PACS1: variants seen among roughly 807,000 people sequenced by gnomAD.
The protein encoded by PACS1 is PACS-1.
A neutral mutation model predicts 115.0 loss-of-function variants in PACS1; 24 were observed. That is an observed-to-expected ratio of 0.21 (90% confidence interval 0.15 to 0.29). PACS1 has a LOEUF of 0.29. Ranked by LOEUF, PACS1 falls within the 10% of genes least tolerant of loss-of-function variation. The pLI is 1.00. For missense variants in PACS1, 838 were observed against 1,251.2 expected, an observed-to-expected ratio of 0.67 and a Z score of 4.98; for synonymous variants, 453 against 504.5, an observed-to-expected ratio of 0.90 and a Z score of 1.37.
intron 1 of PACS1, among the ~76,000 whole-genome samples, chr11:66,093,920 A>G: frequency 6.6e-6 from 1 of 152,204 alleles, no homozygotes; most frequent in Non-Finnish European, 1.5e-5. Flanking sequence ...CTACATGGAA[A>G]CTGAACAACC....
Position 66,234,226 on chromosome 11 carries a change from G to A in PACS1, c.2088G>A (p.Ser696=), listed in dbSNP as rs546886162. The A allele has an allele frequency of 1.1e-5, 17 of 1,613,068 alleles. No individual in the cohort carries two copies. The highest frequency in any genetic ancestry group is 2.2e-5 in the East Asian group (1 of 44,894). ...GTTGGAGAGATCTGTTCAGTCGCTC[G>A]GAGCCACCAGTGTCAGGTAATGGCC... is the stretch of plus-strand genomic sequence containing the variant. The part of the protein sequence containing the change: ...DSGWRDLFSR[S]EPPVSEQLDV... Residue 696 remains serine, a synonymous_variant, in exon 17 of 24, where the codon TCG becomes TCA. Transcript: ENST00000320580.
At position 66,070,688 on chromosome 11, in the gene PACS1, T is replaced by G; in HGVS notation, c.202T>G (p.Ser68Ala). The G allele has an allele frequency of 6.3e-7, 1 of 1,578,848 alleles. No individual in the cohort carries two copies. The highest frequency in any genetic ancestry group is 8.5e-7 in the Non-Finnish European group (1 of 1,170,122). ...CACCTCGGCGGCGGCTGCCTCCTCC[T>G]CGTCCTCGTCTACCTCCACCTCCAT... ...SSTSAAAASS[S>A]SSSTSTSMAV... Residue 68 changes from serine (S) to alanine (A), a missense_variant, in exon 1 of 24, where the codon TCG (serine) becomes GCG (alanine). This residue lies in a region of PACS1 where 129 missense variants were observed against 109.4 expected (regional missense o/e 1.18). Coordinates refer to ENST00000320580, the MANE Select transcript of PACS1 (RefSeq NM_018026.4). The surrounding 1 kb of genome is among the most constrained non-coding windows in gnomAD (Gnocchi z 5.9).
chr11:66,121,722 G>A (rs1373155918), intron 1 of PACS1, among the ~76,000 whole-genome samples: 1 of 152,216 alleles, frequency 6.6e-6, no homozygotes, highest in African/African-American at 2.4e-5. Context: ...TTAAGCCTAA[G>A]CTTGATTCAG....
Position 66,070,638 on chromosome 11 carries a change from C to G in PACS1, c.152C>G (p.Ala51Gly). 1 of 1,555,508 alleles carries G rather than the reference C, an allele frequency of 6.4e-7. No individual in the cohort carries two copies. The highest frequency in any genetic ancestry group is 8.6e-7 in the Non-Finnish European group (1 of 1,157,348). Residue 51 changes from alanine (A) to glycine (G), a missense_variant, in exon 1 of 24, where the codon GCC (alanine) becomes GGC (glycine). Transcript: ENST00000320580. This position sits in a 1 kb window ranked among gnomAD's most constrained non-coding sequence, Gnocchi z 5.9. ...PPQQPTPPKL[A>G]QATSSSSSTS... ...CAGCAGCCGACGCCCCCCAAGCTGGCCCAGGCCACCTCGTCGTCCTCGTCC... is the reference window on the plus strand; with the variant it reads ...CAGCAGCCGACGCCCCCCAAGCTGGGCCAGGCCACCTCGTCGTCCTCGTCC...
intron 2 of PACS1, 22 bp downstream of exon 2, chr11:66,193,595 G>C (rs776724303): frequency 3.2e-6 from 5 of 1,562,830 alleles, no homozygotes; most frequent in Non-Finnish European, 2.6e-6. Context: ...AGGACTGTTT[G>C]TTCAGGGCCC....
chr11:66,079,905 T>A (rs1857454639), intron 1 of PACS1, among the ~76,000 whole-genome samples: 2 of 152,346 alleles, frequency 1.3e-5, no homozygotes, highest in South Asian at 4.1e-4. Flanking sequence ...GCTTTTGCAC[T>A]TGCTGTTCCC....
chr11:66,163,687 AT>A (rs1193323314), intron 1 of PACS1, among the ~76,000 whole-genome samples: 4 of 152,176 alleles, frequency 2.6e-5, no homozygotes, highest in African/African-American at 9.6e-5. Flanking sequence ...AGATAATGGT[AT>A]TTTCTGTCTG....
In PACS1 at chr11:66,239,289, G is replaced by GC. The variant is rs781246589; in HGVS notation, c.2429+15dup. 6.2e-7 allele frequency: 1 copy of GC among 1,604,964 alleles called. No individual in the cohort carries two copies. Among genetic ancestry groups the GC allele is most frequent in the Non-Finnish European group, 8.5e-7 (1 of 1,175,948 alleles). ...CTGGCCATCGTGGGGTAAGGCTCCT[G>GC]CCCGTACCTGTCCTGCCATGCCCTC... On this transcript the variant is annotated intron_variant, in intron 21 of 23. Coordinates refer to ENST00000320580, the MANE Select transcript of PACS1 (RefSeq NM_018026.4).
intron 1 of PACS1, among the ~76,000 whole-genome samples, chr11:66,171,943 C>T (rs768031520): frequency 6.6e-6 from 1 of 152,172 alleles, no homozygotes; most frequent in Non-Finnish European, 1.5e-5. Flanking sequence ...TCTTAGTTTA[C>T]TCTCAAGCTT....
intron 1 of PACS1, among the ~76,000 whole-genome samples, chr11:66,075,538 G>T (rs1157925308): frequency 6.6e-6 from 1 of 152,130 alleles, no homozygotes; most frequent in Non-Finnish European, 1.5e-5. Flanking sequence ...ACTGTGCCTG[G>T]CCCATGCCTT....
intron 1 of PACS1, among the ~76,000 whole-genome samples, chr11:66,135,139 G>A (rs1490620820): frequency 6.6e-6 from 1 of 152,028 alleles, no homozygotes; most frequent in Non-Finnish European, 1.5e-5. Context: ...TGTGGAGGTT[G>A]CAGTGAGCTG....
intron 1 of PACS1, among the ~76,000 whole-genome samples, chr11:66,142,505 G>A (rs992023165): frequency 6.6e-6 from 1 of 150,934 alleles, no homozygotes; most frequent in African/African-American, 2.4e-5. Flanking sequence ...ATGGGGTTTC[G>A]CCATGGTGCC....
chr11:66,235,223 G>T lies in PACS1; in HGVS notation c.2105-78G>T. 9.9e-7 allele frequency: 1 copy of T among 1,012,858 alleles called. No homozygotes were observed. The highest frequency in any genetic ancestry group is 1.6e-6 in the Non-Finnish European group (1 of 641,218). The allele number at this position is 1,012,858 out of a possible 1,614,324, so 62.7% of individuals were successfully genotyped here. On this transcript the variant is annotated intron_variant, in intron 17 of 23. Transcript: ENST00000320580. This position sits in a 1 kb window ranked among gnomAD's most constrained non-coding sequence, Gnocchi z 5.6. Reference sequence around the variant, plus strand: ...CTAGAGTCTGACGGGTCTCAGGAAGGGATCCCTCTCCGAGAGGGTCTGCAG... The same window carrying T: ...CTAGAGTCTGACGGGTCTCAGGAAGTGATCCCTCTCCGAGAGGGTCTGCAG...
At chr11:66,141,505 T>C (rs1030470404) in intron 1 of PACS1, among the ~76,000 whole-genome samples, 3 of 151,976 alleles carry the variant, frequency 2.0e-5, no homozygotes, top group African/African-American at 7.3e-5. Context: ...AATATAAAAA[T>C]TAGGCGGGCA....
rs984605848 is a variant in PACS1 at position 66,243,337 on chromosome 11, G to A, written c.*57G>A. On this transcript the variant is annotated 3_prime_UTR_variant, in exon 24 of 24. Transcript: ENST00000320580. ...CACTGCCACCAGCCTCACCGCCTGCGGGCAGGGGGAGGCCAGCAGGCCCGG... is the reference window on the plus strand; with the variant it reads ...CACTGCCACCAGCCTCACCGCCTGCAGGCAGGGGGAGGCCAGCAGGCCCGG... 1.9e-5 allele frequency: 24 copies of A among 1,265,204 alleles called. No individual in the cohort carries two copies. Among genetic ancestry groups the A allele is most frequent in the East Asian group, 5.0e-5 (2 of 39,612 alleles). The allele number at this position is 1,265,204 out of a possible 1,614,324, so 78.4% of individuals were successfully genotyped here.
chr11:66,190,826 C>T (rs978417228), intron 1 of PACS1, among the ~76,000 whole-genome samples: 1 of 152,142 alleles, frequency 6.6e-6, no homozygotes, highest in Non-Finnish European at 1.5e-5. Flanking sequence ...TTGGAGGAAA[C>T]AGCATGAACC....
intron 10 of PACS1, among the ~76,000 whole-genome samples, chr11:66,226,725 AT>A (rs1200844127): frequency 2.0e-5 from 3 of 152,180 alleles, no homozygotes; most frequent in African/African-American, 7.2e-5. Flanking sequence ...GTGGGATATC[AT>A]TTATATTTTT....
At chr11:66,157,264 G>T (rs1859383635) in intron 1 of PACS1, among the ~76,000 whole-genome samples, 1 of 152,218 alleles carries the variant, frequency 6.6e-6, no homozygotes, top group Admixed American at 6.5e-5. Flanking sequence ...TGAAGAGATT[G>T]GGAGAGGAGA....
intron 2 of PACS1, among the ~76,000 whole-genome samples, chr11:66,201,964 G>GT (rs1306817465): frequency 6.6e-6 from 1 of 151,928 alleles, no homozygotes; most frequent in African/African-American, 2.4e-5. Context: ...CCAAAGAGTT[G>GT]TTTTTTGAGA....
Sources: allele counts gnomAD v4.1 joint callset (sites outside exome capture counted in the v4.1 genomes callset), GRCh38; gene constraint gnomAD v4.1.1; regional missense constraint gnomAD v4.1.1; non-coding constraint Gnocchi (gnomAD v3.1); transcripts MANE v1.5; gene names NCBI Gene and HGNC (gene_info 2026-07-23, HGNC 2026-07-21).